CDH18: variants seen among roughly 807,000 people sequenced by gnomAD.
CDH18 encodes cadherin 18.
CDH18 carries 31 observed loss-of-function variants against 67.9 expected under a neutral mutation model. The observed-to-expected ratio is 0.46, with a 90% confidence interval of 0.34 to 0.62. The LOEUF (loss-of-function observed/expected upper bound fraction) is 0.62. Ranked by LOEUF, CDH18 falls within the 20% of genes least tolerant of loss-of-function variation. CDH18 has a pLI of 0.01. For missense variants in CDH18, 890 were observed against 975.5 expected, an observed-to-expected ratio of 0.91 and a Z score of 1.17; for synonymous variants, 362 against 347.2, an observed-to-expected ratio of 1.04 and a Z score of -0.48.
chr5:20,565,334 A>C (rs551480112), intron 1 of CDH18, among the ~76,000 whole-genome samples: 2 of 152,282 alleles, frequency 1.3e-5, no homozygotes, highest in South Asian at 4.1e-4. Flanking sequence ...TAGAAAGAGT[A>C]TAATCATTGG....
chr5:19,584,995 C>A (rs1190949803), intron 7 of CDH18, among the ~76,000 whole-genome samples: 14 of 142,050 alleles, frequency 9.9e-5, no homozygotes, highest in South Asian at 6.7e-4. Context: ...ACTCTATCTC[C>A]AAAAAAAAAA....
intron 1 of CDH18, among the ~76,000 whole-genome samples, chr5:20,527,129 A>G (rs1266770645): frequency 6.6e-6 from 1 of 152,154 alleles, no homozygotes; most frequent in Non-Finnish European, 1.5e-5. Flanking sequence ...AAGTATCAAT[A>G]GCTGAACCAA....
Position 20,475,652 on chromosome 5 carries a change from T to A in CDH18, c.-580+99810A>T, listed in dbSNP as rs574629692. 8.5e-4 allele frequency among the ~76,000 whole-genome samples: 130 copies of A among 152,306 alleles called. 2 individuals are homozygous for A. The South Asian group carries it at 0.015, about 18-fold the overall frequency. On this transcript the variant is annotated intron_variant, in intron 1 of 14. Coordinates refer to the CDH18 transcript ENST00000507958. ...TTATTTGAACAGTCTAGGTAAATAA[T>A]ACTGTCAATTTATATAATAATTATA...
chr5:19,564,289 G>T (rs1372063112), intron 8 of CDH18, among the ~76,000 whole-genome samples: 1 of 152,158 alleles, frequency 6.6e-6, no homozygotes, highest in Non-Finnish European at 1.5e-5. Flanking sequence ...CCAACCGCAG[G>T]CAGTGCAGCT....
chr5:19,699,771 C>T (rs1762997299), intron 5 of CDH18, among the ~76,000 whole-genome samples: 1 of 152,034 alleles, frequency 6.6e-6, no homozygotes, highest in Non-Finnish European at 1.5e-5. Flanking sequence ...TAATCTTGGA[C>T]TTCCCAGTCT....
chr5:19,831,548 TAA>T (rs1183294019), intron 3 of CDH18, among the ~76,000 whole-genome samples: 1 of 151,824 alleles, frequency 6.6e-6, no homozygotes, highest in Non-Finnish European at 1.5e-5. Context: ...AAAACCACAA[TAA>T]GACACCATCT....
intron 1 of CDH18, among the ~76,000 whole-genome samples, chr5:20,388,819 T>G (rs993156206): frequency 7.2e-5 from 11 of 152,214 alleles, no homozygotes; most frequent in African/African-American, 2.7e-4. Context: ...CAGTAGTCAT[T>G]CAGGAGCAGG....
At chr5:19,954,440 T>TA in intron 2 of CDH18, among the ~76,000 whole-genome samples, 1 of 152,140 alleles carries the variant, frequency 6.6e-6, no homozygotes, top group South Asian at 2.1e-4. Context: ...ATATTTGAAA[T>TA]ATGAGAAATT....
In CDH18 at chr5:20,314,745, G is replaced by A. The variant is rs371385363; in HGVS notation, c.-579-59240C>T. Among the ~76,000 whole-genome samples, 6 of 151,974 alleles carry A rather than the reference G, an allele frequency of 3.9e-5. No homozygotes were observed. In the East Asian group the frequency reaches 5.8e-4, roughly 15 times the overall value. Reference sequence around the variant, plus strand: ...ATCATAAATTCTTTTCTATATTGACGTTTTTATTAACACATACCCTCTCTG... The same window carrying A: ...ATCATAAATTCTTTTCTATATTGACATTTTTATTAACACATACCCTCTCTG... On this transcript the variant is annotated intron_variant, in intron 1 of 14. Coordinates refer to the CDH18 transcript ENST00000507958.
intron 2 of CDH18, among the ~76,000 whole-genome samples, chr5:19,941,390 A>G (rs1794801585): frequency 6.6e-6 from 1 of 152,108 alleles, no homozygotes; most frequent in African/African-American, 2.4e-5. Flanking sequence ...AAATGCACAT[A>G]GCACATGTTT....
chr5:19,912,140 G>GA lies in CDH18; in HGVS notation c.-257+68919dup, dbSNP rs576799808. Among the ~76,000 whole-genome samples, 396 of 149,282 alleles carry GA rather than the reference G, an allele frequency of 2.7e-3. 1 individual carries two copies. The highest frequency in any genetic ancestry group is 0.021 in the Middle Eastern group (6 of 288). On this transcript the variant is annotated intron_variant, in intron 2 of 12. Transcript: ENST00000382275. ...TGCTCAGGAAGAGAGCATAGAGGAA[G>GA]AAAAAATAAAGACATGAATTGTTTA...
chr5:20,084,939 T>C (rs1744814643), intron 2 of CDH18, among the ~76,000 whole-genome samples: 1 of 152,172 alleles, frequency 6.6e-6, no homozygotes, highest in African/African-American at 2.4e-5. Context: ...TGAAGACCTC[T>C]GACATGCCCT....
chr5:20,462,783 A>G (rs1581045954), intron 1 of CDH18, among the ~76,000 whole-genome samples: 1 of 152,196 alleles, frequency 6.6e-6, no homozygotes, highest in East Asian at 1.9e-4. Flanking sequence ...GAAATCTGAG[A>G]TAGAAGAAGG....
At chr5:20,057,399 C>T (rs529102766) in intron 2 of CDH18, among the ~76,000 whole-genome samples, 2 of 152,188 alleles carry the variant, frequency 1.3e-5, no homozygotes, top group South Asian at 4.1e-4. Flanking sequence ...ACAATTTAGA[C>T]AGATTTTGTT....
At chr5:19,932,989 C>T (rs1156598820) in intron 2 of CDH18, among the ~76,000 whole-genome samples, 1 of 151,566 alleles carries the variant, frequency 6.6e-6, no homozygotes, top group Non-Finnish European at 1.5e-5. Flanking sequence ...TACTGTATTA[C>T]ATACAGTAAT....
chr5:19,881,423 T>C (rs1371005416), intron 2 of CDH18, among the ~76,000 whole-genome samples: 1 of 151,958 alleles, frequency 6.6e-6, no homozygotes, highest in African/African-American at 2.4e-5. Flanking sequence ...ATGCAGAACA[T>C]CAGTTTTGTA....
intron 7 of CDH18, among the ~76,000 whole-genome samples, chr5:19,580,801 T>A (rs1415020141): frequency 6.6e-6 from 1 of 151,946 alleles, no homozygotes. Flanking sequence ...ATAAGCTGTG[T>A]CCTTAAGCAC....
chr5:20,070,424 G>A (rs1031619430), intron 2 of CDH18, among the ~76,000 whole-genome samples: 3 of 151,930 alleles, frequency 2.0e-5, no homozygotes, highest in East Asian at 1.9e-4. Flanking sequence ...AATGATTTGG[G>A]GTATACACAT....
Position 20,247,290 on chromosome 5 carries a change from T to C in CDH18, c.-518+8154A>G, listed in dbSNP as rs371451311. Among the ~76,000 whole-genome samples, 91 of 152,286 alleles carry C rather than the reference T, an allele frequency of 6.0e-4. No individual in the cohort carries two copies. In the South Asian group the frequency reaches 0.016, roughly 26 times the overall value. On this transcript the variant is annotated intron_variant, in intron 2 of 14. Coordinates refer to the CDH18 transcript ENST00000507958. ...TCCTTAGTTCAATATAATTAGTATATATGAATCTATCTTTTGCTAAGTAAT... is the reference window on the plus strand; with the variant it reads ...TCCTTAGTTCAATATAATTAGTATACATGAATCTATCTTTTGCTAAGTAAT...
Sources: allele counts gnomAD v4.1 joint callset (sites outside exome capture counted in the v4.1 genomes callset), GRCh38; gene constraint gnomAD v4.1.1; transcripts MANE v1.5; gene names NCBI Gene and HGNC (gene_info 2026-07-23, HGNC 2026-07-21).